The following MED27 variants were observed in gnomAD, a reference collection of about 807,000 sequenced individuals.
MED27 encodes the protein mediator complex subunit 27.
In MED27, 30 loss-of-function variants were observed where a neutral mutation model predicts 38.2. The ratio of observed to expected loss-of-function variants is 0.79; its 90% confidence interval spans 0.59 to 1.07. MED27 has a LOEUF of 1.07. Among genes scored for constraint, MED27 ranks in the 50% least tolerant of loss-of-function variants. The pLI is 0.00. For synonymous variants in MED27, 122 were observed against 153.5 expected (o/e 0.79, Z 1.52); for missense variants, 289 against 397.5 (o/e 0.73, Z 2.32).
intron 5 of MED27, among the ~76,000 whole-genome samples, chr9:131,888,236 C>A (rs1564269703): frequency 6.6e-6 from 1 of 152,202 alleles, no homozygotes; most frequent in Admixed American, 6.5e-5. Flanking sequence ...ATCCTTTTGG[C>A]AATAACATGA....
chr9:131,885,054 C>T (rs997497631), intron 5 of MED27, among the ~76,000 whole-genome samples: 5 of 152,204 alleles, frequency 3.3e-5, no homozygotes, highest in African/African-American at 1.2e-4. Context: ...TTCCCACTGC[C>T]TCTCCAGGTC....
chr9:131,862,136 C>G lies in MED27; in HGVS notation c.801+927G>C, dbSNP rs1838662110. On this transcript the variant is annotated intron_variant, in intron 7 of 7. Coordinates refer to ENST00000292035, the MANE Select transcript of MED27 (RefSeq NM_004269.4). This position sits in a 1 kb window ranked among gnomAD's most constrained non-coding sequence, Gnocchi z 4.6. ...ACTCTGCCAGCATCATGAAGCCAAT[C>G]AACGCACCAGGGATGTGTCTTCTGA... Among the ~76,000 whole-genome samples, 1 of 152,226 alleles carries G rather than the reference C, an allele frequency of 6.6e-6. No individual in the cohort carries two copies. Among genetic ancestry groups the G allele is most frequent in the South Asian group, 2.1e-4 (1 of 4,828 alleles).
Position 132,079,688 on chromosome 9 carries a change from T to G in MED27, c.157A>C (p.Ile53Leu). The part of the protein sequence containing the change: ...ETLEGREKAF[I>L]AHFQDNLHSV... ...TGTAAGTTGTCCTGGAAGTGCGCAA[T>G]AAAGGCCTTCTCCCGGCCCTCCAGC... Residue 53 changes from isoleucine to leucine, a missense_variant, in exon 1 of 8, where the codon ATT (isoleucine) becomes CTT (leucine). Physicochemically the swap from Ile to Leu is conservative, Grantham distance 5. Transcript: ENST00000292035. 1 of 1,613,012 alleles carries G rather than the reference T, an allele frequency of 6.2e-7. No homozygotes were observed. Among genetic ancestry groups the G allele is most frequent in the Non-Finnish European group, 8.5e-7 (1 of 1,179,840 alleles).
chr9:131,988,712 G>A (rs1831909202), intron 3 of MED27, among the ~76,000 whole-genome samples: 1 of 152,128 alleles, frequency 6.6e-6, no homozygotes, highest in Admixed American at 6.6e-5. Context: ...TAACTCCTGG[G>A]CTCAACCTTC....
intron 1 of MED27, among the ~76,000 whole-genome samples, chr9:132,079,263 G>A (rs1425601789): frequency 1.5e-4 from 23 of 152,172 alleles, no homozygotes; most frequent in Non-Finnish European, 3.4e-4. Flanking sequence ...CGACTGACCA[G>A]GTCCTGTCTG....
At chr9:132,060,916 T>G (rs1012244120) in intron 2 of MED27, among the ~76,000 whole-genome samples, 1 of 152,156 alleles carries the variant, frequency 6.6e-6, no homozygotes, top group African/African-American at 2.4e-5. Flanking sequence ...ACCACTGCAC[T>G]CCAGCCTGGG....
At chr9:131,955,299 T>C (rs992604274) in intron 3 of MED27, among the ~76,000 whole-genome samples, 1 of 152,046 alleles carries the variant, frequency 6.6e-6, no homozygotes, top group African/African-American at 2.4e-5. Context: ...TTTATAGTTT[T>C]TAAAAGCCTA....
chr9:131,975,951 T>A (rs1831596180), intron 3 of MED27, among the ~76,000 whole-genome samples: 1 of 152,204 alleles, frequency 6.6e-6, no homozygotes, highest in South Asian at 2.1e-4. Context: ...TCCTTCTCTG[T>A]CAGCTTTGTT....
At position 131,894,706 on chromosome 9, in the gene MED27, C is replaced by T. The variant is rs182596441; in HGVS notation, c.574-714G>A. 5.3e-4 allele frequency among the ~76,000 whole-genome samples: 81 copies of T among 152,142 alleles called. No homozygotes were observed. The East Asian group carries it at 0.012, about 22-fold the overall frequency. ...TGTGCTTGCTGGAATAGGCTCAGCA[C>T]CAAGAATAGAAACAGCACCTTCCCT... On this transcript the variant is annotated intron_variant, in intron 4 of 7. Coordinates refer to ENST00000292035, the MANE Select transcript of MED27 (RefSeq NM_004269.4).
intron 3 of MED27, among the ~76,000 whole-genome samples, chr9:132,005,942 A>G (rs1406528679): frequency 6.6e-6 from 1 of 152,166 alleles, no homozygotes; most frequent in Non-Finnish European, 1.5e-5. Context: ...CATGTTCTAG[A>G]ATGCAAACAA....
intron 6 of MED27, among the ~76,000 whole-genome samples, chr9:131,876,176 G>T (rs1014255208): frequency 1.6e-4 from 25 of 152,210 alleles, no homozygotes; most frequent in Non-Finnish European, 2.9e-4. Context: ...ATGGGAAGGT[G>T]GGCAGTCTTT....
At chr9:132,029,900 C>A (rs956529420) in intron 2 of MED27, among the ~76,000 whole-genome samples, 26 of 151,896 alleles carry the variant, frequency 1.7e-4, no homozygotes, top group African/African-American at 6.0e-4. Flanking sequence ...CAGAGCATGG[C>A]CCAAAAATTG....
intron 2 of MED27, among the ~76,000 whole-genome samples, chr9:132,020,243 AT>A (rs1832689527): frequency 6.6e-6 from 1 of 152,114 alleles, no homozygotes; most frequent in South Asian, 2.1e-4. Flanking sequence ...GTTATATATA[AT>A]GATAGCAAGC....
intron 3 of MED27, among the ~76,000 whole-genome samples, chr9:131,954,353 G>A (rs571512845): frequency 6.6e-6 from 1 of 152,214 alleles, no homozygotes; most frequent in Admixed American, 6.5e-5. Flanking sequence ...CACGCTCAGT[G>A]GCTCCAAAAT....
Position 131,917,465 on chromosome 9 carries a change from G to C in MED27, c.573+21916C>G, listed in dbSNP as rs1830313432. ...ATGAGTCCAGTGTGGAAGATGAGGG[G>C]AGGCAGAGTGTTTCAAAGCAGGTAG... On this transcript the variant is annotated intron_variant, in intron 4 of 7. Transcript: ENST00000292035. This position sits in a 1 kb window ranked among gnomAD's most constrained non-coding sequence, Gnocchi z 4.6. 6.6e-6 allele frequency among the ~76,000 whole-genome samples: 1 copy of C among 152,124 alleles called. No individual in the cohort carries two copies. Among genetic ancestry groups the C allele is most frequent in the Non-Finnish European group, 1.5e-5 (1 of 68,016 alleles).
intron 2 of MED27, among the ~76,000 whole-genome samples, chr9:132,050,328 G>A (rs1416090167): frequency 2.0e-5 from 3 of 152,224 alleles, no homozygotes; most frequent in South Asian, 2.1e-4. Flanking sequence ...AGAAGGCAAC[G>A]TGCAGGGCCT....
chr9:132,046,678 C>T (rs1833347133), intron 2 of MED27, among the ~76,000 whole-genome samples: 1 of 152,142 alleles, frequency 6.6e-6, no homozygotes, highest in South Asian at 2.1e-4. Context: ...TTAGCAGCTG[C>T]AGTGGGAACC....
intron 3 of MED27, among the ~76,000 whole-genome samples, chr9:131,962,543 A>AT (rs35806394): frequency 9.3e-4 from 139 of 149,214 alleles, no homozygotes; most frequent in African/African-American, 1.4e-3. Context: ...CTGGCGTGTG[A>AT]TTTTTTTTTT....
chr9:131,933,102 G>T lies in MED27; in HGVS notation c.573+6279C>A, dbSNP rs1050586822. Among the ~76,000 whole-genome samples the T allele has an allele frequency of 2.6e-5, 4 of 152,028 alleles. No homozygotes were observed. In the East Asian group the frequency reaches 7.7e-4, roughly 29 times the overall value. On this transcript the variant is annotated intron_variant, in intron 4 of 7. Transcript: ENST00000292035. ...TAAAAACCTTCAAAAATTTGGGTATGGAAGGAACATACTTCAACATAATAA... is the reference window on the plus strand; with the variant it reads ...TAAAAACCTTCAAAAATTTGGGTATTGAAGGAACATACTTCAACATAATAA...
Sources: gnomAD v4.1 joint callset for allele counts (sites outside exome capture counted in the v4.1 genomes callset) on GRCh38, gnomAD v4.1.1 for gene constraint, Gnocchi (gnomAD v3.1) non-coding constraint, MANE v1.5 for transcripts, NCBI Gene and HGNC (gene_info 2026-07-23, HGNC 2026-07-21) for gene names.